The following PDHX variants were observed in gnomAD, a reference collection of about 807,000 sequenced individuals.
PDHX encodes pyruvate dehydrogenase protein X component, mitochondrial.
In PDHX, 33 loss-of-function variants were observed where a neutral mutation model predicts 55.3. That is an observed-to-expected ratio of 0.60 (90% CI 0.45 to 0.80). PDHX has a LOEUF of 0.80. Ranked by LOEUF, PDHX falls within the 30% of genes least tolerant of loss-of-function variation. The pLI is 0.00. For missense variants in PDHX, 622 were observed against 619.9 expected, an observed-to-expected ratio of 1.00 and a Z score of -0.04; for synonymous variants, 226 against 219.4, an observed-to-expected ratio of 1.03 and a Z score of -0.27.
In PDHX at chr11:34,957,521, C is replaced by G; in HGVS notation, c.480C>G (p.Arg160=). 6.2e-7 allele frequency: 1 copy of G among 1,614,030 alleles called. No homozygotes were observed. The highest frequency in any genetic ancestry group is 1.6e-4 in the Middle Eastern group (1 of 6,062). ...PPPVSKPSEP[R]PSPEPQISIP... The stretch of plus-strand genomic sequence containing the variant: ...CAGTTTCAAAACCTTCAGAGCCTCG[C>G]CCCTCACCAGAACCACAGATTTCCA... The change falls in exon 4 of 11, where the codon CGC becomes CGG. Residue 160 remains arginine, a synonymous_variant. Transcript: ENST00000227868.
intron 1 of PDHX, 106 bp downstream of exon 1, chr11:34,916,921 C>T: frequency 9.2e-7 from 1 of 1,090,790 alleles, no homozygotes; most frequent in Non-Finnish European, 1.4e-6. Context: ...GGTGCGCGGG[C>T]TCCTTATTCC....
chr11:34,991,451 T>G (rs1257909910), intron 9 of PDHX, among the ~76,000 whole-genome samples: 1 of 152,164 alleles, frequency 6.6e-6, no homozygotes, highest in East Asian at 1.9e-4. Flanking sequence ...ACACAGAAGA[T>G]ACATATAATA....
At chr11:34,980,887 G>A (rs140453363) in intron 8 of PDHX, among the ~76,000 whole-genome samples, 1 of 152,220 alleles carries the variant, frequency 6.6e-6, no homozygotes, top group Non-Finnish European at 1.5e-5. Flanking sequence ...GAATTTTTGA[G>A]AACAGAAATT....
chr11:34,978,933 G>A (rs1290505150), intron 8 of PDHX, among the ~76,000 whole-genome samples: 1 of 152,154 alleles, frequency 6.6e-6, no homozygotes, highest in East Asian at 1.9e-4. Context: ...AAACGAAAAG[G>A]AGAGGCTGCC....
chr11:34,922,348 A>G (rs1434598996), intron 1 of PDHX, among the ~76,000 whole-genome samples: 1 of 152,202 alleles, frequency 6.6e-6, no homozygotes, highest in Admixed American at 6.5e-5. Context: ...GCATTTGTTG[A>G]GAGCTTACTA....
Position 34,931,541 on chromosome 11 carries a change from G to GT in PDHX, c.241+68dup, listed in dbSNP as rs563380006. ...CTTTGTTATTTGGTTATTTTGTTTT[G>GT]TTTTTTTTTTTCCTAATCTGTCCTG... On this transcript the variant is annotated intron_variant, in intron 2 of 10. Coordinates refer to ENST00000227868, the MANE Select transcript of PDHX (RefSeq NM_003477.3). 0.5 allele frequency: 367,354 copies of GT among 734,716 alleles called. 49,497 individuals are homozygous for GT. Among genetic ancestry groups the GT allele is most frequent in the Middle Eastern group, 0.55 (2,200 of 3,968 alleles). 45.5% of individuals were successfully genotyped at this position (734,716 alleles called of 1,614,324 possible). A position where few individuals can be genotyped will look rare whatever the true frequency, so the allele number is the denominator to read the frequency against.
At chr11:34,974,364 A>G (rs1169645193) in intron 7 of PDHX, among the ~76,000 whole-genome samples, 1 of 152,224 alleles carries the variant, frequency 6.6e-6, no homozygotes, top group African/African-American at 2.4e-5. Flanking sequence ...AAGGCTGAAC[A>G]GTGTTCCATT....
At chr11:34,917,843 T>C (rs151120029) in intron 1 of PDHX, among the ~76,000 whole-genome samples, 79 of 152,332 alleles carry the variant, frequency 5.2e-4, no homozygotes, top group African/African-American at 1.9e-3. Context: ...GAATTCCTTC[T>C]CTTCCCTCCT....
At chr11:34,931,335 G>A in intron 1 of PDHX, 69 bp from the exon 2 acceptor site, 1 of 837,430 alleles carries the variant, frequency 1.2e-6, no homozygotes, top group Non-Finnish European at 2.1e-6. Flanking sequence ...TAATTTACTT[G>A]AACTTATATT....
intron 2 of PDHX, 64 bp from the exon 3 acceptor site, chr11:34,947,442 G>T: frequency 1.9e-6 from 2 of 1,032,622 alleles, no homozygotes; most frequent in East Asian, 2.6e-5. Flanking sequence ...TTATTCATAC[G>T]TACATATATA....
chr11:34,967,588 C>T (rs1035064242), intron 6 of PDHX, among the ~76,000 whole-genome samples: 1 of 152,014 alleles, frequency 6.6e-6, no homozygotes, highest in African/African-American at 2.4e-5. Context: ...GTATAACAGC[C>T]CCTTTTTGTT....
At chr11:34,969,290 ATATT>A (rs1279782185) in intron 6 of PDHX, among the ~76,000 whole-genome samples, 1 of 151,552 alleles carries the variant, frequency 6.6e-6, no homozygotes, top group East Asian at 1.9e-4. Context: ...GGGCAACTAT[ATATT>A]AATAGTTGGT....
chr11:34,991,292 A>G (rs1564935287), intron 9 of PDHX, among the ~76,000 whole-genome samples: 2 of 152,168 alleles, frequency 1.3e-5, no homozygotes, highest in Non-Finnish European at 2.9e-5. Flanking sequence ...TCTATTCTCT[A>G]GGGCACTATA....
chr11:34,977,415 A>G (rs1350834352), intron 7 of PDHX, among the ~76,000 whole-genome samples: 5 of 152,192 alleles, frequency 3.3e-5, no homozygotes, highest in Non-Finnish European at 7.4e-5. Flanking sequence ...TCTTAAAATC[A>G]TTATGTATAC....
intron 3 of PDHX, among the ~76,000 whole-genome samples, chr11:34,953,880 G>A (rs940914936): frequency 3.9e-5 from 6 of 152,154 alleles, no homozygotes; most frequent in African/African-American, 1.4e-4. Context: ...ATGCTGTGCT[G>A]GAACAGTGCT....
intron 9 of PDHX, among the ~76,000 whole-genome samples, chr11:34,986,362 A>C (rs2134000098): frequency 6.6e-6 from 1 of 152,074 alleles, no homozygotes; most frequent in South Asian, 2.1e-4. Flanking sequence ...TCAAAAGTCA[A>C]AGTAATAGAG....
At chr11:34,967,670 A>C (rs1855166133) in intron 6 of PDHX, among the ~76,000 whole-genome samples, 1 of 152,156 alleles carries the variant, frequency 6.6e-6, no homozygotes, top group African/African-American at 2.4e-5. Context: ...GAAGAAATGT[A>C]GGATAGCCCA....
At chr11:34,957,714 G>A in intron 4 of PDHX, 131 bp downstream of exon 4, 1 of 681,378 alleles carries the variant, frequency 1.5e-6, no homozygotes, top group Non-Finnish European at 2.5e-6. Flanking sequence ...AGCACACTCA[G>A]ACCTTAGAGT....
chr11:34,982,029 G>A (rs142896048), intron 8 of PDHX, among the ~76,000 whole-genome samples: 1 of 152,030 alleles, frequency 6.6e-6, no homozygotes, highest in Non-Finnish European at 1.5e-5. Context: ...GTCAATTTTG[G>A]CTTTTGTTGC....
Sources: allele counts gnomAD v4.1 joint callset (sites outside exome capture counted in the v4.1 genomes callset), GRCh38; gene constraint gnomAD v4.1.1; transcripts MANE v1.5; gene names NCBI Gene and HGNC (gene_info 2026-07-23, HGNC 2026-07-21).